The following OSMR variants were observed in gnomAD, a reference collection of about 807,000 sequenced individuals.
OSMR encodes the protein oncostatin M receptor, also known as oncostatin-M-specific receptor subunit beta.
A neutral mutation model predicts 99.9 loss-of-function variants in OSMR; 81 were observed. The observed-to-expected ratio is 0.81, with a 90% CI of 0.68 to 0.97. OSMR has a LOEUF of 0.97. Ranked by LOEUF, OSMR falls within the 50% of genes least tolerant of loss-of-function variation. The pLI, the probability that OSMR is intolerant of heterozygous loss-of-function variation, is 0.00. For synonymous variants in OSMR, 406 were observed against 410.4 expected (o/e 0.99, Z 0.13); for missense variants, 1,099 against 1,153.4 (o/e 0.95, Z 0.68).
chr5:38,872,365 A>T (rs983056760), intron 2 of OSMR, among the ~76,000 whole-genome samples: 4 of 152,202 alleles, frequency 2.6e-5, no homozygotes, highest in Non-Finnish European at 5.9e-5. Context: ...GCATTCAGCA[A>T]CCAATCGCTG....
downstream of OSMR, chr5:38,940,153 A>AAC (rs1554057796): frequency 6.9e-4 from 159 of 228,970 alleles, no homozygotes; most frequent in African/African-American, 3.4e-3. Flanking sequence ...CAAAAAAAAA[A>AAC]ACACAAAACA....
intron 7 of OSMR, among the ~76,000 whole-genome samples, chr5:38,889,229 A>G (rs930056107): frequency 1.3e-5 from 2 of 151,992 alleles, no homozygotes; most frequent in African/African-American, 4.8e-5. Context: ...AGTTTTTTGA[A>G]TTATAGTTTT....
chr5:38,921,368 A>T (rs1023873624), intron 11 of OSMR: 2 of 391,756 alleles, frequency 5.1e-6, no homozygotes, highest in African/African-American at 4.4e-5. Context: ...TAGGTGCTGA[A>T]GTCTGGTTGG....
chr5:38,886,430 C>T (rs1743777244), intron 7 of OSMR: 1 of 1,114,308 alleles, frequency 9.0e-7, no homozygotes, highest in Non-Finnish European at 1.2e-6. Flanking sequence ...AAAACTAGGA[C>T]TCTAACAATA....
chr5:38,884,710 C>T (rs185624693), intron 5 of OSMR, among the ~76,000 whole-genome samples: 107 of 152,286 alleles, frequency 7.0e-4, no homozygotes, highest in Non-Finnish European at 1.1e-3. Context: ...TTGGTTCCAT[C>T]GGATACATTA....
intron 1 of OSMR, among the ~76,000 whole-genome samples, chr5:38,862,680 T>G (rs1157641352): frequency 7.3e-6 from 1 of 137,236 alleles, no homozygotes; most frequent in Non-Finnish European, 1.6e-5. Flanking sequence ...TCTCAGACGA[T>G]GGGCTGCCGG....
Position 38,928,518 on chromosome 5 carries a change from G to A in OSMR, c.2212+3147G>A, listed in dbSNP as rs531949975. Among the ~76,000 whole-genome samples, 12 of 152,098 alleles carry A rather than the reference G, an allele frequency of 7.9e-5. 1 individual carries two copies. The highest frequency in any genetic ancestry group is 1.6e-4 in the Non-Finnish European group (11 of 68,020). On this transcript the variant is annotated intron_variant, in intron 15 of 17. Coordinates refer to ENST00000274276, the MANE Select transcript of OSMR (RefSeq NM_003999.3). ...CAGGAGAGAGAAGTGCCGAGCAAAG[G>A]GGGAAAAGCCCCTTATAAAACCATC...
chr5:38,883,092 T>C (rs963082439), intron 4 of OSMR, among the ~76,000 whole-genome samples: 15 of 152,180 alleles, frequency 9.9e-5, no homozygotes, highest in Non-Finnish European at 2.2e-4. Flanking sequence ...GGTGGGCGGA[T>C]TGCCTGAGCT....
chr5:38,869,788 G>T (rs1742239536), intron 2 of OSMR, among the ~76,000 whole-genome samples: 1 of 152,104 alleles, frequency 6.6e-6, no homozygotes, highest in African/African-American at 2.4e-5. Context: ...TTTAGAAGTA[G>T]ATCTTAGACT....
At chr5:38,921,380 C>A in intron 11 of OSMR, 1 of 571,574 alleles carries the variant, frequency 1.7e-6, no homozygotes, top group Non-Finnish European at 2.2e-6. Flanking sequence ...TCTGGTTGGG[C>A]TTCAGAAGGT....
At chr5:38,873,093 T>C (rs1465109321) in intron 2 of OSMR, among the ~76,000 whole-genome samples, 1 of 152,260 alleles carries the variant, frequency 6.6e-6, no homozygotes, top group African/African-American at 2.4e-5. Context: ...GCAGTTAGTC[T>C]TGATTCCCCT....
chr5:38,905,466 C>A (rs985871508), intron 9 of OSMR, among the ~76,000 whole-genome samples: 3 of 147,008 alleles, frequency 2.0e-5, no homozygotes, highest in Admixed American at 1.4e-4. Flanking sequence ...CCAGCCTGGG[C>A]AACAGAGTGA....
chr5:38,933,823 T>TTAAC lies in OSMR; in HGVS notation c.*380_*383dup, dbSNP rs1746895013. 1 of 204,238 alleles carries TTAAC rather than the reference T, an allele frequency of 4.9e-6. No homozygotes were observed. Among genetic ancestry groups the TTAAC allele is most frequent in the African/African-American group, 2.3e-5 (1 of 43,336 alleles). 12.7% of individuals were successfully genotyped at this position (204,238 alleles called of 1,614,324 possible). On this transcript the variant is annotated 3_prime_UTR_variant, in exon 18 of 18. Coordinates refer to ENST00000274276, the MANE Select transcript of OSMR (RefSeq NM_003999.3). The stretch of plus-strand genomic sequence containing the variant: ...AGTTTTTACTGAGGAAATATTTCCA[T>TTAAC]TAACAGCAATTATTATATTGAAGGC...
intron 15 of OSMR, 90 bp downstream of exon 15, chr5:38,925,461 A>G (rs1167235972): frequency 1.7e-6 from 2 of 1,176,730 alleles, no homozygotes; most frequent in Non-Finnish European, 2.5e-6. Context: ...TGTCTAGATC[A>G]GGAATTTTCA....
chr5:38,853,952 T>C (rs1054014117), intron 1 of OSMR, among the ~76,000 whole-genome samples: 1 of 151,922 alleles, frequency 6.6e-6, no homozygotes, highest in Non-Finnish European at 1.5e-5. Flanking sequence ...AGGAAGGGAA[T>C]TGGAGTGAAC....
At chr5:38,875,419 A>G (rs971065456) in intron 2 of OSMR, among the ~76,000 whole-genome samples, 1 of 152,222 alleles carries the variant, frequency 6.6e-6, no homozygotes, top group East Asian at 1.9e-4. Context: ...TGTGCAAGCC[A>G]TTTGCAGTGG....
chr5:38,942,352 C>T, intron 1 of OSMR: 1 of 1,595,040 alleles, frequency 6.3e-7, no homozygotes, highest in Non-Finnish European at 8.6e-7. Flanking sequence ...GTGGTGTTGC[C>T]AACACAGCCT....
rs1475461329 is a variant in OSMR at position 38,925,234 on chromosome 5, A to C, written c.2075A>C (p.Asp692Ala). ...DGSECCKYKI[D>A]NPEEKALIVD... ...TCAGAATGTTGCAAATACAAAATTG[A>C]CAACCCGGAAGAAAAGGCATTGATT... The change falls in exon 15 of 18, where the codon GAC becomes GCC. Residue 692 changes from aspartate (D) to alanine (A), a missense_variant. Asp to Ala is a moderately radical substitution (Grantham distance 126). Coordinates refer to ENST00000274276, the MANE Select transcript of OSMR (RefSeq NM_003999.3). The C allele has an allele frequency of 6.2e-7, 1 of 1,614,120 alleles. No individual in the cohort carries two copies.
At chr5:38,942,950 T>C (rs1246798953) in intron 1 of OSMR, 1 of 1,605,228 alleles carries the variant, frequency 6.2e-7, no homozygotes. Context: ...CATCAAATGT[T>C]TGAGGATACT....
Sources: gnomAD v4.1 joint callset for allele counts (sites outside exome capture counted in the v4.1 genomes callset) on GRCh38, gnomAD v4.1.1 for gene constraint, MANE v1.5 for transcripts, NCBI Gene and HGNC (gene_info 2026-07-23, HGNC 2026-07-21) for gene names.